ATRNL1: variants seen among roughly 807,000 people sequenced by gnomAD.
ATRNL1 encodes attractin like 1.
Under a neutral mutation model 182.7 loss-of-function variants are expected in ATRNL1, and 95 were observed. That is an observed-to-expected ratio of 0.52 (90% confidence interval 0.44 to 0.62). ATRNL1 has a LOEUF of 0.62. Among genes scored for constraint, ATRNL1 ranks in the 20% least tolerant of loss-of-function variants. The pLI, the probability that ATRNL1 is intolerant of heterozygous loss-of-function variation, is 0.00. For missense variants in ATRNL1, 1,471 were observed against 1,679.5 expected (o/e 0.88, Z 2.17); for synonymous variants, 576 against 568.3 (o/e 1.01, Z -0.19).
chr10:115,290,826 A>G lies in ATRNL1; in HGVS notation c.2415+4429A>G, dbSNP rs188228188. 3.7e-4 allele frequency among the ~76,000 whole-genome samples: 57 copies of G among 152,378 alleles called. No individual in the cohort carries two copies. In the East Asian group the frequency reaches 0.011, roughly 28 times the overall value. On this transcript the variant is annotated intron_variant, in intron 15 of 28. Transcript: ENST00000355044. Reference sequence around the variant, plus strand: ...GTGGTGTCTGATTTACATAGAGCCCAAAAGATTGATCTGACCAGGTGTGTC... The same window carrying G: ...GTGGTGTCTGATTTACATAGAGCCCGAAAGATTGATCTGACCAGGTGTGTC...
At chr10:115,882,322 G>T (rs1319071585) in intron 28 of ATRNL1, among the ~76,000 whole-genome samples, 1 of 152,142 alleles carries the variant, frequency 6.6e-6, no homozygotes, top group African/African-American at 2.4e-5. Context: ...GGTCAGGTCT[G>T]CCCCACTGAG....
At chr10:115,924,940 T>A (rs1279660114) in intron 28 of ATRNL1, among the ~76,000 whole-genome samples, 2 of 152,152 alleles carry the variant, frequency 1.3e-5, no homozygotes, top group Non-Finnish European at 2.9e-5. Context: ...TGGTTTGTAC[T>A]TCCCCTTGAA....
chr10:115,903,685 C>T (rs1052887704), intron 28 of ATRNL1, among the ~76,000 whole-genome samples: 1 of 152,158 alleles, frequency 6.6e-6, no homozygotes, highest in African/African-American at 2.4e-5. Context: ...CAGCCTTCAT[C>T]TGCTCTCGTC....
intron 26 of ATRNL1, among the ~76,000 whole-genome samples, chr10:115,703,775 A>C (rs1419815064): frequency 2.6e-5 from 4 of 151,872 alleles, no homozygotes; most frequent in Non-Finnish European, 5.9e-5. Flanking sequence ...ATGCTCTATA[A>C]AAATAGAATA....
At chr10:115,241,945 A>G (rs116465048) in intron 10 of ATRNL1, among the ~76,000 whole-genome samples, 1,786 of 152,128 alleles carry the variant, frequency 0.012, 33 homozygotes, top group African/African-American at 0.04. Flanking sequence ...AGGGAATACA[A>G]AAAGCTAGAT....
intron 13 of ATRNL1, among the ~76,000 whole-genome samples, chr10:115,278,846 T>A (rs1388832511): frequency 1.3e-5 from 2 of 152,140 alleles, no homozygotes; most frequent in East Asian, 3.9e-4. Flanking sequence ...TCTTTGTGTT[T>A]TTATTATTTT....
chr10:115,279,177 G>A (rs1335148077), intron 13 of ATRNL1, among the ~76,000 whole-genome samples: 1 of 150,886 alleles, frequency 6.6e-6, no homozygotes, highest in Non-Finnish European at 1.5e-5. Flanking sequence ...ACTCCAGCCT[G>A]GGCGACAGAG....
chr10:115,874,070 G>A (rs2960658), intron 28 of ATRNL1, among the ~76,000 whole-genome samples: 143,243 of 152,192 alleles, frequency 0.94, 68,023 homozygotes, highest in East Asian at 1. Flanking sequence ...CCATCTTCAT[G>A]TCTCCTCCAC....
At chr10:115,459,414 A>T (rs543358077) in intron 21 of ATRNL1, among the ~76,000 whole-genome samples, 1 of 152,256 alleles carries the variant, frequency 6.6e-6, no homozygotes, top group South Asian at 2.1e-4. Flanking sequence ...TGAGAAAGAG[A>T]ATGCGCACCT....
intron 19 of ATRNL1, among the ~76,000 whole-genome samples, chr10:115,341,105 T>A (rs1855734261): frequency 6.6e-6 from 1 of 152,044 alleles, no homozygotes; most frequent in African/African-American, 2.4e-5. Context: ...GTTTTTAAGA[T>A]GCATCATTAG....
At chr10:115,812,625 C>T (rs2134260317) in intron 27 of ATRNL1, among the ~76,000 whole-genome samples, 1 of 152,174 alleles carries the variant, frequency 6.6e-6, no homozygotes, top group South Asian at 2.1e-4. Flanking sequence ...TACAGGTGCA[C>T]ACCACCACAC....
intron 19 of ATRNL1, among the ~76,000 whole-genome samples, chr10:115,383,642 C>T (rs1455685632): frequency 1.3e-5 from 2 of 151,696 alleles, no homozygotes; most frequent in African/African-American, 2.4e-5. Flanking sequence ...AATTCAGCAT[C>T]GAATATATCA....
intron 27 of ATRNL1, among the ~76,000 whole-genome samples, chr10:115,833,369 G>A (rs144603036): frequency 6.8e-4 from 103 of 152,146 alleles, no homozygotes; most frequent in African/African-American, 2.4e-3. Context: ...TACTTTTCAC[G>A]GCATAGCGTG....
chr10:115,274,301 T>G (rs1352962359), intron 13 of ATRNL1, among the ~76,000 whole-genome samples: 1 of 152,176 alleles, frequency 6.6e-6, no homozygotes, highest in African/African-American at 2.4e-5. Context: ...ACTTGGTAAA[T>G]GGGTCAAAGT....
intron 24 of ATRNL1, among the ~76,000 whole-genome samples, chr10:115,513,312 C>G (rs902405120): frequency 1.3e-5 from 2 of 151,958 alleles, no homozygotes; most frequent in Non-Finnish European, 2.9e-5. Context: ...AGCACTTCTG[C>G]ATATTTTTAG....
At chr10:115,694,081 T>C (rs545700852) in intron 26 of ATRNL1, among the ~76,000 whole-genome samples, 72 of 152,120 alleles carry the variant, frequency 4.7e-4, no homozygotes, top group African/African-American at 1.7e-3. Flanking sequence ...ATAGTACTTG[T>C]TCCTTATCTA....
chr10:115,165,550 G>T lies in ATRNL1; in HGVS notation c.1005-8G>T. ...GCTTATGAAGTTATTTTCTTTTCTTGCTTTTAGTTACAATTTAGAAAGCAG... is the reference window on the plus strand; with the variant it reads ...GCTTATGAAGTTATTTTCTTTTCTTTCTTTTAGTTACAATTTAGAAAGCAG... On this transcript the variant is annotated splice_region_variant and splice_polypyrimidine_tract_variant and intron_variant, in intron 6 of 28. Coordinates refer to ENST00000355044, the MANE Select transcript of ATRNL1 (RefSeq NM_207303.4). The T allele has an allele frequency of 7.0e-7, 1 of 1,437,314 alleles. No individual in the cohort carries two copies. Among genetic ancestry groups the T allele is most frequent in the Admixed American group, 2.1e-5 (1 of 47,008 alleles). The allele number at this position is 1,437,314 out of a possible 1,614,324, so 89.0% of individuals were successfully genotyped here.
At chr10:115,359,028 G>A (rs1856624061) in intron 19 of ATRNL1, among the ~76,000 whole-genome samples, 1 of 151,518 alleles carries the variant, frequency 6.6e-6, no homozygotes, top group Non-Finnish European at 1.5e-5. Context: ...TGGGTGTTAT[G>A]TCCCTGCCTT....
chr10:115,134,853 C>A (rs1554876216), intron 5 of ATRNL1, among the ~76,000 whole-genome samples: 1 of 152,152 alleles, frequency 6.6e-6, no homozygotes, highest in South Asian at 2.1e-4. Context: ...AAGTGGGCTT[C>A]ATCCCTGAGA....
Sources: gnomAD v4.1 joint callset for allele counts (sites outside exome capture counted in the v4.1 genomes callset) on GRCh38, gnomAD v4.1.1 for gene constraint, MANE v1.5 for transcripts, NCBI Gene and HGNC (gene_info 2026-07-23, HGNC 2026-07-21) for gene names.